Variants in ASB4 observed in about 807,000 individuals in gnomAD.
ASB4 encodes ankyrin repeat and SOCS box protein 4.
ASB4 carries 35 observed loss-of-function variants against 38.6 expected under a neutral mutation model. The ratio of observed to expected loss-of-function variants is 0.91; its 90% CI spans 0.69 to 1.20. ASB4 has a LOEUF of 1.20. ASB4 is among the 50% of genes most tolerant of loss of function. The pLI is 0.00. For missense variants in ASB4, 557 were observed against 527.2 expected (o/e 1.06, Z -0.55); for synonymous variants, 195 against 201.3 (o/e 0.97, Z 0.26).
In ASB4 at chr7:95,516,969, A is replaced by G. The variant is rs905835955; in HGVS notation, c.488-10844A>G. Among the ~76,000 whole-genome samples, 5 of 152,164 alleles carry G rather than the reference A, an allele frequency of 3.3e-5. No homozygotes were observed. The East Asian group carries it at 9.6e-4, about 29-fold the overall frequency. On this transcript the variant is annotated intron_variant, in intron 2 of 4. Coordinates refer to ENST00000325885, the MANE Select transcript of ASB4 (RefSeq NM_016116.3). ...TCTGCTCTGAACTCCAGACTCATCTATCCAACTATATATAATCTGTCTCCA... is the reference window on the plus strand; with the variant it reads ...TCTGCTCTGAACTCCAGACTCATCTGTCCAACTATATATAATCTGTCTCCA...
At chr7:95,473,665 A>C (rs1017534968), upstream of ASB4, 12 of 151,160 alleles carry the variant, frequency 7.9e-5, no homozygotes, top group African/African-American at 2.9e-4. Flanking sequence ...TAATCAACGG[A>C]ATAATCAGCC....
At chr7:95,525,602 T>C (rs908277629) in intron 2 of ASB4, among the ~76,000 whole-genome samples, 8 of 152,172 alleles carry the variant, frequency 5.3e-5, no homozygotes, top group Admixed American at 5.2e-4. Context: ...ATGTGGTTTG[T>C]TCCAAGTTGG....
chr7:95,514,714 A>G (rs977791726), intron 2 of ASB4, among the ~76,000 whole-genome samples: 2 of 152,210 alleles, frequency 1.3e-5, no homozygotes, highest in Non-Finnish European at 2.9e-5. Flanking sequence ...CCTGGAGTCC[A>G]TGAAAATATT....
intron 3 of ASB4, among the ~76,000 whole-genome samples, chr7:95,536,089 G>T (rs753204860): frequency 6.6e-6 from 1 of 152,220 alleles, no homozygotes; most frequent in South Asian, 2.1e-4. Context: ...GCTCGTGGAA[G>T]GTGAAAGAAA....
In ASB4 at chr7:95,537,703, C is replaced by T; in HGVS notation, c.1225C>T (p.Leu409Phe). ...RCHRAIPLLS[L>F]PLSLKKYLLL... ...CCATAGAGCAATTCCTTTGCTTTCC[C>T]TCCCATTGTCATTGAAAAAGTACTT... Residue 409 changes from leucine (L) to phenylalanine (F), a missense_variant, in exon 5 of 5, where the codon CTC becomes TTC. Transcript: ENST00000325885. 4 of 1,613,882 alleles carry T rather than the reference C, an allele frequency of 2.5e-6. No homozygotes were observed. The highest frequency in any genetic ancestry group is 3.4e-6 in the Non-Finnish European group (4 of 1,179,842).
Position 95,527,803 on chromosome 7 carries a change from C to T in ASB4, c.488-10C>T, listed in dbSNP as rs954336306. On this transcript the variant is annotated splice_polypyrimidine_tract_variant and intron_variant, in intron 2 of 4. Coordinates refer to ENST00000325885, the MANE Select transcript of ASB4 (RefSeq NM_016116.3). ...TTTAAATAATTGTCTTCCTCAATTT[C>T]CCTTTATAGGGGCGAATGTGAACAT... is the stretch of plus-strand genomic sequence containing the variant. 5 of 1,583,830 alleles carry T rather than the reference C, an allele frequency of 3.2e-6. No homozygotes were observed. Among genetic ancestry groups the T allele is most frequent in the Non-Finnish European group, 4.3e-6 (5 of 1,159,610 alleles).
At chr7:95,515,012 A>G (rs1271384655) in intron 2 of ASB4, among the ~76,000 whole-genome samples, 1 of 152,210 alleles carries the variant, frequency 6.6e-6, no homozygotes, top group African/African-American at 2.4e-5. Flanking sequence ...CGTAGACAGT[A>G]TGACACCTAG....
At chr7:95,488,265 C>T (rs1012975684) in intron 1 of ASB4, among the ~76,000 whole-genome samples, 1 of 152,166 alleles carries the variant, frequency 6.6e-6, no homozygotes, top group Non-Finnish European at 1.5e-5. Context: ...GGTGTGAACC[C>T]GGGAGGCGGA....
chr7:95,515,190 TTTCTTTCTTTCTTTCTTTC>T (rs1251488030), intron 2 of ASB4, among the ~76,000 whole-genome samples: 16 of 128,184 alleles, frequency 1.2e-4, no homozygotes, highest in African/African-American at 5.0e-4. Flanking sequence ...TCTTTCTTTC[TTTCTTTCTTTCTTTCTTTC>T]TTTCTTTCTT....
At chr7:95,519,342 T>A (rs1585812853) in intron 2 of ASB4, among the ~76,000 whole-genome samples, 1 of 152,226 alleles carries the variant, frequency 6.6e-6, no homozygotes, top group East Asian at 1.9e-4. Flanking sequence ...AAAAGGGATC[T>A]AACCTTTGAA....
chr7:95,519,859 T>C (rs1209768327), intron 2 of ASB4, among the ~76,000 whole-genome samples: 1 of 152,120 alleles, frequency 6.6e-6, no homozygotes, highest in Non-Finnish European at 1.5e-5. Context: ...TTTCATTGAC[T>C]TTAACTCACT....
intron 2 of ASB4, among the ~76,000 whole-genome samples, chr7:95,500,252 T>C (rs1229555290): frequency 6.6e-6 from 1 of 151,998 alleles, no homozygotes; most frequent in Non-Finnish European, 1.5e-5. Context: ...AGAAATGTAG[T>C]AGGATTACTG....
intron 2 of ASB4, among the ~76,000 whole-genome samples, chr7:95,519,942 C>A (rs1306549530): frequency 6.6e-6 from 1 of 151,462 alleles, no homozygotes; most frequent in Non-Finnish European, 1.5e-5. Flanking sequence ...GAGATGTTTT[C>A]TTTTTGAATA....
chr7:95,495,594 T>A (rs1225139912), intron 1 of ASB4, among the ~76,000 whole-genome samples, 164 bp from the exon 2 acceptor site: 1 of 152,152 alleles, frequency 6.6e-6, no homozygotes, highest in Non-Finnish European at 1.5e-5. Flanking sequence ...AACAAAACGC[T>A]TGCAGACCCA....
At chr7:95,484,859 G>A (rs916663396), upstream of ASB4, among the ~76,000 whole-genome samples, 3 of 151,642 alleles carry the variant, frequency 2.0e-5, no homozygotes, top group Non-Finnish European at 4.4e-5. Context: ...AAAGCTGAAA[G>A]AATAATGTAA....
chr7:95,524,570 C>CA (rs1236219345), intron 2 of ASB4, among the ~76,000 whole-genome samples: 1 of 152,100 alleles, frequency 6.6e-6, no homozygotes, highest in East Asian at 1.9e-4. Context: ...AATTGTGCGC[C>CA]ACCCCCCAAA....
chr7:95,515,308 T>TCTTC (rs1488216474), intron 2 of ASB4, among the ~76,000 whole-genome samples: 1 of 112,368 alleles, frequency 8.9e-6, no homozygotes, highest in African/African-American at 3.3e-5. Flanking sequence ...TTTCTTTCTT[T>TCTTC]CTTTCTTTCT....
chr7:95,545,356 G>T, the ASB4 span, among the ~76,000 whole-genome samples: 3,894 of 152,236 alleles, frequency 0.026, 158 homozygotes, highest in African/African-American at 0.088. Context: ...GCCTTCATTG[G>T]AAAGAGATCT....
the ASB4 span, among the ~76,000 whole-genome samples, chr7:95,549,300 C>CCTTTTTTTTTTTTT: frequency 3.6e-5 from 3 of 83,084 alleles, no homozygotes; most frequent in Non-Finnish European, 6.8e-5. Flanking sequence ...TAGGAGACTC[C>CCTTTTTTTTTTTTT]ATTTTTTTTT....
Sources: gnomAD v4.1 joint callset for allele counts (sites outside exome capture counted in the v4.1 genomes callset) on GRCh38, gnomAD v4.1.1 for gene constraint, MANE v1.5 for transcripts, NCBI Gene and HGNC (gene_info 2026-07-23, HGNC 2026-07-21) for gene names.